ANKS3: variants seen among roughly 807,000 people sequenced by gnomAD.
ANKS3 encodes the protein ankyrin repeat and SAM domain-containing protein 3.
ANKS3 carries 62 observed loss-of-function variants against 80.7 expected under a neutral mutation model. That is an observed-to-expected ratio of 0.77 (90% confidence interval 0.63 to 0.95). ANKS3 has a LOEUF of 0.95. Ranked by LOEUF, ANKS3 falls within the 40% of genes least tolerant of loss-of-function variation. ANKS3 has a pLI of 0.00. For synonymous variants in ANKS3, 489 were observed against 355.3 expected (o/e 1.38, Z -4.23); for missense variants, 1,150 against 883.6 (o/e 1.30, Z -3.82).
chr16:4,715,356 G>C (rs896120406), intron 6 of ANKS3, among the ~76,000 whole-genome samples: 5 of 152,216 alleles, frequency 3.3e-5, no homozygotes, highest in Admixed American at 3.3e-4. Context: ...TCTCCTGTCA[G>C]ACCAGGCAGC....
At chr16:4,726,066 C>T (rs1226867109) in intron 5 of ANKS3, among the ~76,000 whole-genome samples, 5 of 151,326 alleles carry the variant, frequency 3.3e-5, no homozygotes, top group Non-Finnish European at 1.5e-5. Flanking sequence ...AGCTCCACCT[C>T]CCGGGTTCAC....
intron 7 of ANKS3, among the ~76,000 whole-genome samples, chr16:4,706,556 A>T (rs2080208332): frequency 6.6e-6 from 1 of 152,194 alleles, no homozygotes. Context: ...TATTTTCTAA[A>T]GCATGGCATG....
chr16:4,725,496 T>C (rs1389175057), intron 5 of ANKS3, among the ~76,000 whole-genome samples: 1 of 152,180 alleles, frequency 6.6e-6, no homozygotes, highest in Non-Finnish European at 1.5e-5. Flanking sequence ...TAGTAGCATA[T>C]TTTTTCTTTC....
intron 7 of ANKS3, among the ~76,000 whole-genome samples, chr16:4,709,881 G>C (rs2080393910): frequency 6.6e-6 from 1 of 151,844 alleles, no homozygotes; most frequent in South Asian, 2.1e-4. Flanking sequence ...TGTGGTGGTA[G>C]GTGCCTGTAG....
intron 6 of ANKS3, among the ~76,000 whole-genome samples, chr16:4,721,558 C>G (rs991999939): frequency 6.6e-6 from 1 of 151,466 alleles, no homozygotes; most frequent in Non-Finnish European, 1.5e-5. Flanking sequence ...CTGCAGTGAG[C>G]TGAGACTGCA....
chr16:4,718,277 T>C (rs1431182794), intron 6 of ANKS3, among the ~76,000 whole-genome samples: 1 of 152,270 alleles, frequency 6.6e-6, no homozygotes, highest in East Asian at 1.9e-4. Flanking sequence ...TATTTTATAA[T>C]GTCCATATTA....
chr16:4,699,053 T>C lies in ANKS3; in HGVS notation c.1408A>G (p.Thr470Ala), dbSNP rs1377055584. 2 of 1,614,026 alleles carry C rather than the reference T, an allele frequency of 1.2e-6. No homozygotes were observed. The highest frequency in any genetic ancestry group is 4.5e-5 in the East Asian group (2 of 44,894). ...CCAGAGCGGCCCTTCTGGACGCACG[T>C]GATGCCAATTTCCTTCAGGTCGCTC... ...TESDLKEIGI[T>A]LFGPKRKMTS... is the part of the protein sequence containing the mutation. Residue 470 changes from threonine (T) to alanine (A), a missense_variant and splice_region_variant, in exon 12 of 18, where the codon ACG becomes GCG. Physicochemically the swap from Thr to Ala is moderately conservative, Grantham distance 58. Coordinates refer to ENST00000304283, the MANE Select transcript of ANKS3 (RefSeq NM_133450.4).
Position 4,729,770 on chromosome 16 carries a change from G to C in ANKS3, c.170+210C>G, listed in dbSNP as rs181134174. 11 of 420,790 alleles carry C rather than the reference G, an allele frequency of 2.6e-5. No homozygotes were observed. In the East Asian group the frequency reaches 3.6e-4, roughly 14 times the overall value. The allele number at this position is 420,790 out of a possible 1,614,324, so 26.1% of individuals were successfully genotyped here. A position where few individuals can be genotyped will look rare whatever the true frequency, so the allele number is the denominator to read the frequency against. ...GACTGTTTATAAGCTTCTGATCAAAGTTTACTCCCTCTTTTTCTTCCTAGG... is the reference window on the plus strand; with the variant it reads ...GACTGTTTATAAGCTTCTGATCAAACTTTACTCCCTCTTTTTCTTCCTAGG... On this transcript the variant is annotated intron_variant, in intron 3 of 17. Coordinates refer to ENST00000304283, the MANE Select transcript of ANKS3 (RefSeq NM_133450.4).
rs1596475981 is a variant in ANKS3, at chr16:4,734,007, G to A, written c.-140C>T. 1 of 985,414 alleles carries A rather than the reference G, an allele frequency of 1.0e-6. No individual in the cohort carries two copies. Among genetic ancestry groups the A allele is most frequent in the Non-Finnish European group, 1.2e-6 (1 of 829,892 alleles). 61.0% of individuals were successfully genotyped at this position (985,414 alleles called of 1,614,324 possible). A position where few individuals can be genotyped will look rare whatever the true frequency, so the allele number is the denominator to read the frequency against. On this transcript the variant is annotated 5_prime_UTR_variant, in exon 1 of 18. Coordinates refer to ENST00000304283, the MANE Select transcript of ANKS3 (RefSeq NM_133450.4). ...ACGCTACGGCGCACAGGGCATTACT[G>A]TGCCCCCACCACAACCACATAAAGA...
chr16:4,706,742 G>A (rs1456967937), intron 7 of ANKS3, among the ~76,000 whole-genome samples: 1 of 152,194 alleles, frequency 6.6e-6, no homozygotes, highest in East Asian at 1.9e-4. Flanking sequence ...GAAATGATGA[G>A]ATCTCCTTGT....
intron 4 of ANKS3, 36 bp downstream of exon 4, chr16:4,726,943 C>T: frequency 6.2e-7 from 1 of 1,612,998 alleles, no homozygotes; most frequent in Non-Finnish European, 8.5e-7. Context: ...CACGGAGCCC[C>T]TCAGGTTTCT....
intron 8 of ANKS3, among the ~76,000 whole-genome samples, chr16:4,704,317 G>C (rs1175520322): frequency 6.6e-6 from 1 of 152,176 alleles, no homozygotes; most frequent in African/African-American, 2.4e-5. Flanking sequence ...ACTCTTCCAA[G>C]TCCTGGCCTC....
chr16:4,699,288 C>T, intron 11 of ANKS3, 112 bp from the exon 12 acceptor site: 1 of 1,433,378 alleles, frequency 7.0e-7, no homozygotes, highest in South Asian at 1.3e-5. Flanking sequence ...AAGACAGTGC[C>T]TTGTGTGTGG....
At chr16:4,712,225 G>C (rs1459852531) in intron 7 of ANKS3, among the ~76,000 whole-genome samples, 2 of 151,978 alleles carry the variant, frequency 1.3e-5, no homozygotes, top group African/African-American at 2.4e-5. Context: ...ACAAAAATTA[G>C]CTGGGTGTAG....
intron 16 of ANKS3, 49 bp downstream of exon 16, chr16:4,697,284 C>G: frequency 6.4e-7 from 1 of 1,564,154 alleles, no homozygotes; most frequent in Non-Finnish European, 8.7e-7. Context: ...CCCTTTGCCT[C>G]CCTCGGAAAC....
At chr16:4,726,919 T>A in intron 4 of ANKS3, 60 bp downstream of exon 4, 2 of 1,608,950 alleles carry the variant, frequency 1.2e-6, no homozygotes, top group Non-Finnish European at 1.7e-6. Flanking sequence ...GGTTCGCATC[T>A]CTGTCAGGGT....
At chr16:4,711,366 G>A (rs1012035188) in intron 7 of ANKS3, among the ~76,000 whole-genome samples, 1 of 151,666 alleles carries the variant, frequency 6.6e-6, no homozygotes, top group Non-Finnish European at 1.5e-5. Context: ...GCCTTCCAAA[G>A]TGCTGAGATT....
chr16:4,712,768 C>T (rs2080565272), intron 7 of ANKS3, among the ~76,000 whole-genome samples: 1 of 152,120 alleles, frequency 6.6e-6, no homozygotes, highest in South Asian at 2.1e-4. Flanking sequence ...TCACTATCTC[C>T]ACTATGTTGA....
At position 4,697,032 on chromosome 16, in the gene ANKS3, G is replaced by C. The variant is rs2079592439; in HGVS notation, c.1967C>G (p.Thr656Ser). 1 of 1,611,752 alleles carries C rather than the reference G, an allele frequency of 6.2e-7. No homozygotes were observed. Among genetic ancestry groups the C allele is most frequent in the African/African-American group, 1.3e-5 (1 of 74,870 alleles). The part of the protein sequence containing the change: ...QVLNGKKWRE[T>S] ...AGACACTCACCGGCCCGCAGGCTAG[G>C]TCTCCCGCCACTTCTTCCCGTTCAG... Residue 656 changes from threonine (T) to serine (S), a missense_variant, in exon 17 of 18, where the codon ACC becomes AGC. Coordinates refer to ENST00000304283, the MANE Select transcript of ANKS3 (RefSeq NM_133450.4).
Sources: allele counts gnomAD v4.1 joint callset (sites outside exome capture counted in the v4.1 genomes callset), GRCh38; gene constraint gnomAD v4.1.1; transcripts MANE v1.5; gene names NCBI Gene and HGNC (gene_info 2026-07-23, HGNC 2026-07-21).